The following TRERF1 variants were observed in gnomAD, a reference collection of about 807,000 sequenced individuals.
TRERF1 encodes the protein transcriptional regulating factor 1, also known as transcriptional-regulating factor 1.
TRERF1 carries 27 observed loss-of-function variants against 122.9 expected under a neutral mutation model. That is an observed-to-expected ratio of 0.22 (90% CI 0.16 to 0.30). The LOEUF (loss-of-function observed/expected upper bound fraction) is 0.30, where lower values mean the gene tolerates loss of function less well. Ranked by LOEUF, TRERF1 falls within the 10% of genes least tolerant of loss-of-function variation. The pLI is 1.00. For missense variants in TRERF1, 1,248 were observed against 1,560.3 expected (o/e 0.80, Z 3.37); for synonymous variants, 636 against 641.7 (o/e 0.99, Z 0.13).
intron 2 of TRERF1, among the ~76,000 whole-genome samples, chr6:42,447,892 C>T (rs577184978): frequency 6.6e-6 from 1 of 151,948 alleles, no homozygotes; most frequent in Non-Finnish European, 1.5e-5. Flanking sequence ...TTTGTAGAGA[C>T]GGGGTTTCAC....
At chr6:42,336,485 A>G (rs887630445) in intron 3 of TRERF1, among the ~76,000 whole-genome samples, 18 of 152,146 alleles carry the variant, frequency 1.2e-4, no homozygotes, top group Admixed American at 3.9e-4. Context: ...GTCAGGAGGT[A>G]TGTCTTCTGC....
chr6:42,396,011 C>T (rs750315221), intron 2 of TRERF1, among the ~76,000 whole-genome samples: 169 of 152,268 alleles, frequency 1.1e-3, no homozygotes, highest in African/African-American at 3.6e-3. Flanking sequence ...GTCATGCACA[C>T]GTGTATGTGT....
At chr6:42,383,988 C>CCAA (rs1488098420) in intron 2 of TRERF1, among the ~76,000 whole-genome samples, 2 of 151,424 alleles carry the variant, frequency 1.3e-5, no homozygotes, top group Non-Finnish European at 2.9e-5. Context: ...GACATCCTCA[C>CCAA]CACTGTGTTG....
intron 2 of TRERF1, among the ~76,000 whole-genome samples, chr6:42,401,034 A>G (rs1779304316): frequency 6.6e-6 from 1 of 152,208 alleles, no homozygotes; most frequent in Admixed American, 6.5e-5. Context: ...GCCCCTGGCC[A>G]TCCTCCCAAT....
chr6:42,264,599 C>G (rs1302059541), intron 7 of TRERF1, 105 bp downstream of exon 7: 2 of 1,515,650 alleles, frequency 1.3e-6, no homozygotes, highest in Non-Finnish European at 1.8e-6. Context: ...AGGACTGTGC[C>G]TCGCCAGGTC....
chr6:42,396,443 T>C (rs1420672687), intron 2 of TRERF1, among the ~76,000 whole-genome samples: 1 of 152,232 alleles, frequency 6.6e-6, no homozygotes, highest in East Asian at 1.9e-4. Flanking sequence ...ATTTACACAG[T>C]GCTAAATTTA....
rs920852558 is a variant in TRERF1 at position 42,269,892 on chromosome 6, G to A, written c.-258-44C>T. 4.7e-6 allele frequency: 2 copies of A among 423,260 alleles called. No individual in the cohort carries two copies. Among genetic ancestry groups the A allele is most frequent in the Admixed American group, 4.3e-5 (1 of 23,288 alleles). 26.2% of individuals were successfully genotyped at this position (423,260 alleles called of 1,614,324 possible). On this transcript the variant is annotated intron_variant, in intron 4 of 17. Coordinates refer to ENST00000372922, the Ensembl canonical transcript of TRERF1. This position sits in a 1 kb window ranked among gnomAD's most constrained non-coding sequence, Gnocchi z 4.9. ...AAGACAGGAAAGGATTTATTTGGATGTTTTGTGATGAGCAATTGATATCCA... is the reference window on the plus strand; with the variant it reads ...AAGACAGGAAAGGATTTATTTGGATATTTTGTGATGAGCAATTGATATCCA...
chr6:42,448,557 G>A (rs1787940932), intron 2 of TRERF1, among the ~76,000 whole-genome samples: 1 of 152,230 alleles, frequency 6.6e-6, no homozygotes, highest in Non-Finnish European at 1.5e-5. Context: ...CCAAGTCCAT[G>A]AAGCAATTGG....
intron 2 of TRERF1, among the ~76,000 whole-genome samples, chr6:42,415,646 G>A (rs539644907): frequency 4.1e-4 from 62 of 152,172 alleles, no homozygotes; most frequent in African/African-American, 1.1e-3. Flanking sequence ...GAAATACTGC[G>A]TTTATCACAA....
chr6:42,249,420 T>G (rs1421088530), intron 13 of TRERF1, among the ~76,000 whole-genome samples: 1 of 152,188 alleles, frequency 6.6e-6, no homozygotes, highest in East Asian at 1.9e-4. Context: ...TGTCGATTTC[T>G]GAGAAGCATG....
At chr6:42,246,811 C>T (rs367948820) in intron 13 of TRERF1, among the ~76,000 whole-genome samples, 1 of 152,202 alleles carries the variant, frequency 6.6e-6, no homozygotes, top group South Asian at 2.1e-4. Flanking sequence ...TAATTGCCTC[C>T]ACTGATTAGG....
At chr6:42,414,218 G>A (rs934175331) in intron 2 of TRERF1, among the ~76,000 whole-genome samples, 2 of 152,164 alleles carry the variant, frequency 1.3e-5, no homozygotes, top group African/African-American at 4.8e-5. Context: ...AAGCATCCTT[G>A]GAGGGTCTTT....
intron 8 of TRERF1, among the ~76,000 whole-genome samples, chr6:42,262,433 G>GGAGGGAGGGAGGGAGAGGA (rs140534118): frequency 8.5e-5 from 1 of 11,780 alleles, no homozygotes; most frequent in African/African-American, 4.2e-4. Context: ...TTCCCTAGGG[G>GGAGGGAGGGAGGGAGAGGA]CAGAGAGAGA....
chr6:42,290,808 C>T (rs1195249777), intron 4 of TRERF1, among the ~76,000 whole-genome samples: 1 of 141,526 alleles, frequency 7.1e-6, no homozygotes, highest in Non-Finnish European at 1.5e-5. Flanking sequence ...CTTTAACAGC[C>T]CTGGGATGGG....
chr6:42,319,954 T>G (rs918495902), intron 3 of TRERF1, among the ~76,000 whole-genome samples: 7 of 151,928 alleles, frequency 4.6e-5, no homozygotes, highest in Non-Finnish European at 8.8e-5. Context: ...CAGGCTGGAG[T>G]GCAGTGGTGT....
intron 4 of TRERF1, among the ~76,000 whole-genome samples, chr6:42,280,705 G>A (rs13192701): frequency 0.027 from 4,159 of 152,214 alleles, 57 homozygotes; most frequent in Non-Finnish European, 0.037. Flanking sequence ...ATGGCACCCT[G>A]TGTAGGCTCT....
chr6:42,279,287 C>G (rs1277674457), intron 4 of TRERF1, among the ~76,000 whole-genome samples: 1 of 152,110 alleles, frequency 6.6e-6, no homozygotes, highest in Non-Finnish European at 1.5e-5. Context: ...GAAGGATCCT[C>G]CACTCCTGCC....
At chr6:42,376,960 G>A (rs1398898415) in intron 2 of TRERF1, among the ~76,000 whole-genome samples, 1 of 151,704 alleles carries the variant, frequency 6.6e-6, no homozygotes, top group Non-Finnish European at 1.5e-5. Flanking sequence ...CTGCCTCCCG[G>A]GTTCAAGCGA....
chr6:42,251,490 A>G (rs894806233), intron 13 of TRERF1, among the ~76,000 whole-genome samples: 1 of 152,080 alleles, frequency 6.6e-6, no homozygotes, highest in African/African-American at 2.4e-5. Context: ...GGGAAGCCTC[A>G]ATCTGAATCC....
Sources: allele counts gnomAD v4.1 joint callset (sites outside exome capture counted in the v4.1 genomes callset), GRCh38; gene constraint gnomAD v4.1.1; non-coding constraint Gnocchi (gnomAD v3.1); transcripts MANE v1.5; gene names NCBI Gene and HGNC (gene_info 2026-07-23, HGNC 2026-07-21).